The following CDRT15 variants were observed in gnomAD, a reference collection of about 807,000 sequenced individuals.
CDRT15 encodes CMT1A duplicated region transcript 15.
A neutral mutation model predicts 14.9 loss-of-function variants in CDRT15; 9 were observed. That is an observed-to-expected ratio of 0.60 (90% CI 0.36 to 1.06). CDRT15 has a LOEUF of 1.06. CDRT15 is among the 50% of genes least tolerant of loss of function. The probability of loss-of-function intolerance (pLI) is 0.01; values close to 1 mark genes in which losing one functional copy is unlikely to be tolerated. For synonymous variants in CDRT15, 50 were observed against 96.6 expected (o/e 0.52, Z 2.83); for missense variants, 117 against 235.3 (o/e 0.50, Z 3.29).
At position 14,236,263 on chromosome 17, in the gene CDRT15, T is replaced by A. The variant is rs199511680; in HGVS notation, c.411+19A>T. 2.2e-6 allele frequency: 3 copies of A among 1,373,144 alleles called. No individual in the cohort carries two copies. The African/African-American group carries it at 4.6e-5, about 21-fold the overall frequency. 85.1% of individuals were successfully genotyped at this position (1,373,144 alleles called of 1,614,324 possible). A position where few individuals can be genotyped will look rare whatever the true frequency, so the allele number is the denominator to read the frequency against. On this transcript the variant is annotated intron_variant, in intron 2 of 2. Transcript: ENST00000420162. ...ACGCTTTCAGTTCCAGGGTTAGGGCTAGTGGCTACAGTACGTGCCGTGATT... is the reference window on the plus strand; with the variant it reads ...ACGCTTTCAGTTCCAGGGTTAGGGCAAGTGGCTACAGTACGTGCCGTGATT...
At position 14,236,780 on chromosome 17, in the gene CDRT15, C is replaced by T. The variant is rs776476337; in HGVS notation, c.54G>A (p.Gly18=). Residue 18 remains glycine, a synonymous_variant, in exon 1 of 3, where the codon GGG becomes GGA. Transcript: ENST00000420162. ...GGCATCGTCGGAAAAGGCTCTCACTCCCTCCATTCCTGAAGCAGCAACCTC... is the reference window on the plus strand; with the variant it reads ...GGCATCGTCGGAAAAGGCTCTCACTTCCTCCATTCCTGAAGCAGCAACCTC... ...TSRGCCFRNG[G]SESLFRRCRR... is the part of the protein sequence containing the mutation. 2 of 1,611,364 alleles carry T rather than the reference C, an allele frequency of 1.2e-6. No individual in the cohort carries two copies. The highest frequency in any genetic ancestry group is 1.7e-6 in the Non-Finnish European group (2 of 1,179,496).
chr17:14,236,251 C>T (rs1448814700), intron 2 of CDRT15, 31 bp downstream of exon 2: 7 of 1,606,918 alleles, frequency 4.4e-6, no homozygotes, highest in Admixed American at 1.7e-5. Flanking sequence ...CTTTCAGTTC[C>T]AGGGTTAGGG....
chr17:14,236,759 T>C lies in CDRT15; in HGVS notation c.75A>G (p.Arg25=). Residue 25 remains arginine, a synonymous_variant, in exon 1 of 3, where the codon CGA becomes CGG. Transcript: ENST00000420162. ...RNGGSESLFR[R]CRRRLIPHPR... ...GGTGAGGGATGAGCCTTCTTCGGCATCGTCGGAAAAGGCTCTCACTCCCTC... is the reference window on the plus strand; with the variant it reads ...GGTGAGGGATGAGCCTTCTTCGGCACCGTCGGAAAAGGCTCTCACTCCCTC... 1 of 1,612,056 alleles carries C rather than the reference T, an allele frequency of 6.2e-7. No individual in the cohort carries two copies. Among genetic ancestry groups the C allele is most frequent in the African/African-American group, 1.3e-5 (1 of 74,966 alleles).
Position 14,236,763 on chromosome 17 carries a change from C to T in CDRT15, c.71G>A (p.Arg24Gln), listed in dbSNP as rs17679866. 0.11 allele frequency: 172,116 copies of T among 1,611,206 alleles called. 7,488 individuals are homozygous for T. Among genetic ancestry groups the T allele is most frequent in the Middle Eastern group, 0.14 (655 of 4,546 alleles). ...FRNGGSESLF[R>Q]RCRRRLIPHP... ...AGGGATGAGCCTTCTTCGGCATCGT[C>T]GGAAAAGGCTCTCACTCCCTCCATT... is the stretch of plus-strand genomic sequence containing the variant. Residue 24 changes from arginine to glutamine, a missense_variant, in exon 1 of 3, where the codon CGA (arginine) becomes CAA (glutamine). This residue lies in a region of CDRT15 where 50 missense variants were observed against 48.8 expected (regional missense o/e 1.03). Transcript: ENST00000420162.
chr17:14,236,500 C>T, intron 1 of CDRT15, 70 bp from the exon 2 acceptor site: 2 of 1,551,470 alleles, frequency 1.3e-6, no homozygotes, highest in Non-Finnish European at 1.7e-6. Flanking sequence ...GAAACGACCT[C>T]ACTGAATTTA....
chr17:14,236,389 C>T lies in CDRT15; in HGVS notation c.304G>A (p.Ala102Thr), dbSNP rs1295562208. ...CAEVRALPAP[A>T]AEPEPAWEEA... The stretch of plus-strand genomic sequence containing the variant: ...TCCCATGCTGGCTCTGGCTCCGCCG[C>T]TGGTGCTGGCAGTGCTCTTACTTCT... The change falls in exon 2 of 3, where the codon GCG becomes ACG. Residue 102 changes from alanine (A) to threonine (T), a missense_variant. Around this residue, in one of 3 missense-constraint regions of CDRT15, gnomAD observed 61 missense variants for 138.2 expected, o/e 0.44. Coordinates refer to ENST00000420162, the MANE Select transcript of CDRT15 (RefSeq NM_001007530.3). 2 of 1,610,696 alleles carry T rather than the reference C, an allele frequency of 1.2e-6. No homozygotes were observed. Among genetic ancestry groups the T allele is most frequent in the Non-Finnish European group, 1.7e-6 (2 of 1,179,030 alleles).
chr17:14,236,510 A>C (rs1907399244), intron 1 of CDRT15, 62 bp downstream of exon 1: 1 of 1,557,696 alleles, frequency 6.4e-7, no homozygotes, highest in Non-Finnish European at 8.7e-7. Flanking sequence ...CACTGAATTT[A>C]AGGGAATTCC....
chr17:14,236,391 G>T lies in CDRT15; in HGVS notation c.302C>A (p.Pro101Gln). The change falls in exon 2 of 3, where the codon CCA (proline) becomes CAA (glutamine). Residue 101 changes from proline to glutamine, a missense_variant. Physicochemically the swap from Pro to Gln is moderately conservative, Grantham distance 76 (BLOSUM62 -1). Coordinates refer to ENST00000420162, the MANE Select transcript of CDRT15 (RefSeq NM_001007530.3). ...CCATGCTGGCTCTGGCTCCGCCGCT[G>T]GTGCTGGCAGTGCTCTTACTTCTGC... is the stretch of plus-strand genomic sequence containing the variant. Reference protein sequence around the residue: ...PCAEVRALPAPAAEPEPAWEE... With the variant: ...PCAEVRALPAQAAEPEPAWEE... 10 of 1,610,348 alleles carry T rather than the reference G, an allele frequency of 6.2e-6. No individual in the cohort carries two copies. The highest frequency in any genetic ancestry group is 8.5e-6 in the Non-Finnish European group (10 of 1,178,892).
In CDRT15 at chr17:14,236,412, TC is replaced by T. The variant is rs1386823228; in HGVS notation, c.280del (p.Glu94LysfsTer2). On this transcript the variant is annotated frameshift_variant, in exon 2 of 3. Transcript: ENST00000420162. LOFTEE classifies it high-confidence loss of function. ...AQTLAPGPCA[E>X]VRALPAPAAE... ...CGCTGGTGCTGGCAGTGCTCTTACT[TC>T]TGCACATGGACCAGGAGCTGAGAAA... is the stretch of plus-strand genomic sequence containing the variant. 6.2e-7 allele frequency: 1 copy of T among 1,603,738 alleles called. No homozygotes were observed. The highest frequency in any genetic ancestry group is 8.5e-7 in the Non-Finnish European group (1 of 1,175,828).
In CDRT15 at chr17:14,236,031, G is replaced by A; in HGVS notation, c.412-20C>T. On this transcript the variant is annotated intron_variant, in intron 2 of 2. Transcript: ENST00000420162. ...CACCTCCTGCACACAGATAAACCAGGATCAGGAGAATAAACGGACCTGCAG... is the reference window on the plus strand; with the variant it reads ...CACCTCCTGCACACAGATAAACCAGAATCAGGAGAATAAACGGACCTGCAG... 1 of 1,608,228 alleles carries A rather than the reference G, an allele frequency of 6.2e-7. No individual in the cohort carries two copies.
At chr17:14,236,542 C>T in intron 1 of CDRT15, 30 bp downstream of exon 1, 1 of 1,569,582 alleles carries the variant, frequency 6.4e-7, no homozygotes, top group East Asian at 2.3e-5. Flanking sequence ...ACCGCCCCCG[C>T]AAAGTCTTCC....
intron 2 of CDRT15, 67 bp downstream of exon 2, chr17:14,236,215 C>T: frequency 6.3e-7 from 1 of 1,591,362 alleles, no homozygotes; most frequent in Non-Finnish European, 8.5e-7. Flanking sequence ...GTCACCCCCT[C>T]CCTCCCACTT....
chr17:14,236,177 A>G (rs1487641274), intron 2 of CDRT15, 105 bp downstream of exon 2: 4 of 1,546,430 alleles, frequency 2.6e-6, no homozygotes, highest in East Asian at 4.5e-5. Flanking sequence ...TAGGGGCAGC[A>G]TGGGAGCTGC....
At chr17:14,236,506 A>G (rs1183669408) in intron 1 of CDRT15, 66 bp downstream of exon 1, 2 of 1,555,116 alleles carry the variant, frequency 1.3e-6, no homozygotes, top group Non-Finnish European at 1.7e-6. Context: ...ACCTCACTGA[A>G]TTTAAGGGAA....
chr17:14,236,206 T>C lies in CDRT15; in HGVS notation c.411+76A>G, dbSNP rs1347934972. The C allele has an allele frequency of 3.8e-6, 6 of 1,583,748 alleles. No homozygotes were observed. In the African/African-American group the frequency reaches 8.1e-5, roughly 21 times the overall value. ...GAGCTGCTGGCTGGGGCTGTGCTGG[T>C]CACCCCCTCCCTCCCACTTCTCTCT... is the stretch of plus-strand genomic sequence containing the variant. On this transcript the variant is annotated intron_variant, in intron 2 of 2. Transcript: ENST00000420162.
Position 14,236,720 on chromosome 17 carries a change from C to T in CDRT15, c.114G>A (p.Ser38=), listed in dbSNP as rs755067079. 16 of 1,611,996 alleles carry T rather than the reference C, an allele frequency of 9.9e-6. No individual in the cohort carries two copies. Among genetic ancestry groups the T allele is most frequent in the East Asian group, 4.5e-5 (2 of 44,870 alleles). Residue 38 remains serine (S), a synonymous_variant, in exon 1 of 3, where the codon TCG becomes TCA. Transcript: ENST00000420162. ...RRLIPHPRRL[S]PVVIRRIQVP... ...CCTGGATGCGCCTTATTACAACGGGCGACAGGCGTCTGGGGTGAGGGATGA... is the reference window on the plus strand; with the variant it reads ...CCTGGATGCGCCTTATTACAACGGGTGACAGGCGTCTGGGGTGAGGGATGA...
In CDRT15 at chr17:14,236,797, A is replaced by G; in HGVS notation, c.37T>C (p.Cys13Arg). Residue 13 changes from cysteine to arginine, a missense_variant, in exon 1 of 3, where the codon TGC becomes CGC. This residue lies in a region of CDRT15 where 50 missense variants were observed against 48.8 expected (regional missense o/e 1.03). Coordinates refer to ENST00000420162, the MANE Select transcript of CDRT15 (RefSeq NM_001007530.3). ...CTCTCACTCCCTCCATTCCTGAAGC[A>G]GCAACCTCTCGAAGTGGGGAAGCAA... ...SCCFPTSRGCCFRNGGSESLF... is the reference protein window; with the variant it reads ...SCCFPTSRGCRFRNGGSESLF... The G allele has an allele frequency of 6.2e-7, 1 of 1,611,220 alleles. No homozygotes were observed. The highest frequency in any genetic ancestry group is 8.5e-7 in the Non-Finnish European group (1 of 1,179,386).
chr17:14,236,170 G>A lies in CDRT15; in HGVS notation c.411+112C>T, dbSNP rs199580600. On this transcript the variant is annotated intron_variant, in intron 2 of 2. Transcript: ENST00000420162. ...TGTTTGCCACCGTGCCCAGGACTAG[G>A]GGCAGCATGGGAGCTGCTGGCTGGG... is the stretch of plus-strand genomic sequence containing the variant. 0.012 allele frequency: 18,687 copies of A among 1,532,766 alleles called. 157 individuals are homozygous for A. The East Asian group carries it at 0.13, about 11-fold the overall frequency. 94.9% of individuals were successfully genotyped at this position (1,532,766 alleles called of 1,614,324 possible).
At chr17:14,236,076 G>A (rs1907373584) in intron 2 of CDRT15, 65 bp from the exon 3 acceptor site, 5 of 1,561,516 alleles carry the variant, frequency 3.2e-6, no homozygotes, top group Non-Finnish European at 1.7e-6. Flanking sequence ...TGTGGTTCTA[G>A]TGAATGAGAG....
Sources: allele counts gnomAD v4.1 joint callset, GRCh38; gene constraint gnomAD v4.1.1; regional missense constraint gnomAD v4.1.1; transcripts MANE v1.5; gene names NCBI Gene and HGNC (gene_info 2026-07-23, HGNC 2026-07-21).